The following CCDC178 variants were observed in gnomAD, a reference collection of about 807,000 sequenced individuals.
CCDC178 encodes the protein coiled-coil domain containing 178.
In CCDC178, 126 loss-of-function variants were observed where a neutral mutation model predicts 117.4. The observed-to-expected ratio is 1.07, with a 90% CI of 0.93 to 1.24. The LOEUF (loss-of-function observed/expected upper bound fraction) is 1.24. Among genes scored for constraint, CCDC178 ranks in the 50% most tolerant of loss-of-function variants. CCDC178 has a pLI of 0.00. For synonymous variants in CCDC178, 283 were observed against 313.4 expected (o/e 0.90, Z 1.02); for missense variants, 1,030 against 986.9 (o/e 1.04, Z -0.59).
chr18:33,059,223 T>C (rs2056881649), intron 21 of CCDC178, among the ~76,000 whole-genome samples: 1 of 152,162 alleles, frequency 6.6e-6, no homozygotes, highest in Non-Finnish European at 1.5e-5. Context: ...AGATTTGAAC[T>C]GGAGGCAGAA....
Position 33,039,147 on chromosome 18 carries a change from T to C in CCDC178, c.2388+53614A>G, listed in dbSNP as rs537370321. On this transcript the variant is annotated intron_variant, in intron 21 of 22. Transcript: ENST00000383096. ...AAATGAAACATCTAGAAATAAACCA[T>C]ATAATTCTTCAAATAAAAACATAAT... 5.3e-5 allele frequency among the ~76,000 whole-genome samples: 8 copies of C among 152,094 alleles called. No homozygotes were observed. The East Asian group carries it at 5.8e-4, about 11-fold the overall frequency.
chr18:33,156,393 C>T (rs1211592168), intron 20 of CCDC178, among the ~76,000 whole-genome samples: 2 of 150,840 alleles, frequency 1.3e-5, no homozygotes, highest in African/African-American at 4.9e-5. Flanking sequence ...CTGCTGAAAA[C>T]GTTTTCTTTT....
At chr18:33,271,095 A>C (rs2059883524) in intron 12 of CCDC178, among the ~76,000 whole-genome samples, 1 of 151,546 alleles carries the variant, frequency 6.6e-6, no homozygotes. Context: ...ATTGCAGGGA[A>C]AATAGTTCAA....
chr18:33,416,145 G>A (rs559456763), intron 2 of CCDC178, among the ~76,000 whole-genome samples: 86 of 152,098 alleles, frequency 5.7e-4, no homozygotes, highest in Non-Finnish European at 1.1e-3. Context: ...AAAACTGCCC[G>A]GGCCGGGAGC....
At chr18:33,215,863 G>C (rs1006943104) in intron 18 of CCDC178, among the ~76,000 whole-genome samples, 168 bp from the exon 19 acceptor site, 3 of 151,994 alleles carry the variant, frequency 2.0e-5, no homozygotes, top group African/African-American at 4.8e-5. Context: ...AAAGCAGGAG[G>C]AGCCAGGAGT....
intron 20 of CCDC178, among the ~76,000 whole-genome samples, chr18:33,096,354 A>AAAAATATAAAATTTTTATATTTTATAT (rs1200825869): frequency 1.1e-4 from 12 of 109,210 alleles, no homozygotes; most frequent in Admixed American, 1.8e-4. Context: ...TATTTTATAT[A>AAAAATATAAAATTTTTATATTTTATAT]AAAATATAAA....
chr18:33,076,309 A>T (rs1422207029), intron 21 of CCDC178, among the ~76,000 whole-genome samples: 1 of 152,160 alleles, frequency 6.6e-6, no homozygotes, highest in Non-Finnish European at 1.5e-5. Flanking sequence ...GAAAGATCCC[A>T]TCCACGTTAG....
chr18:33,136,991 T>A (rs2058136489), intron 20 of CCDC178, among the ~76,000 whole-genome samples: 1 of 152,176 alleles, frequency 6.6e-6, no homozygotes, highest in Non-Finnish European at 1.5e-5. Context: ...CCTGATCCCA[T>A]ATCAATGTAA....
intron 20 of CCDC178, among the ~76,000 whole-genome samples, chr18:33,174,850 A>C (rs1445993629): frequency 6.6e-6 from 1 of 151,364 alleles, no homozygotes. Flanking sequence ...TTCCTGTTTC[A>C]TATTAGTATT....
intron 22 of CCDC178, among the ~76,000 whole-genome samples, chr18:32,952,768 T>C (rs954951342): frequency 2.9e-4 from 43 of 148,456 alleles, no homozygotes; most frequent in African/African-American, 1.0e-3. Context: ...GCAAATTTTA[T>C]AAACTTTTTT....
rs181970734 is a variant in CCDC178 at position 33,425,036 on chromosome 18, A to T, written c.-22-12926T>A. Among the ~76,000 whole-genome samples the T allele has an allele frequency of 3.8e-3, 585 of 152,306 alleles. 2 individuals are homozygous for T. Among genetic ancestry groups the T allele is most frequent in the African/African-American group, 0.013 (557 of 41,564 alleles). ...GATGACTGATTGATAGGGGCAGCCAACCACCATGGCACATATATACGTATG... is the reference window on the plus strand; with the variant it reads ...GATGACTGATTGATAGGGGCAGCCATCCACCATGGCACATATATACGTATG... On this transcript the variant is annotated intron_variant, in intron 2 of 22. Coordinates refer to ENST00000383096, the MANE Select transcript of CCDC178 (RefSeq NM_001105528.4).
At chr18:33,167,895 T>G (rs1010425002) in intron 20 of CCDC178, among the ~76,000 whole-genome samples, 1 of 150,296 alleles carries the variant, frequency 6.7e-6, no homozygotes, top group African/African-American at 2.5e-5. Context: ...AATAAATAAA[T>G]AAATAATAAA....
chr18:33,008,251 C>T (rs2055790231), intron 21 of CCDC178, among the ~76,000 whole-genome samples: 1 of 152,102 alleles, frequency 6.6e-6, no homozygotes, highest in Non-Finnish European at 1.5e-5. Context: ...AACAACTTTT[C>T]CTCCACACTC....
intron 21 of CCDC178, among the ~76,000 whole-genome samples, chr18:33,015,758 T>C (rs1056249414): frequency 1.3e-5 from 2 of 152,124 alleles, no homozygotes; most frequent in Non-Finnish European, 2.9e-5. Flanking sequence ...GAAGGAATTA[T>C]ATGTATGGTG....
intron 12 of CCDC178, among the ~76,000 whole-genome samples, chr18:33,279,543 A>G (rs1425671082): frequency 6.6e-6 from 1 of 152,184 alleles, no homozygotes; most frequent in Non-Finnish European, 1.5e-5. Flanking sequence ...TAATTGATAG[A>G]TTCAATGCCA....
chr18:33,093,925 C>A (rs556528552), intron 20 of CCDC178, among the ~76,000 whole-genome samples: 1 of 151,744 alleles, frequency 6.6e-6, no homozygotes, highest in Admixed American at 6.6e-5. Flanking sequence ...CAGAAATAAC[C>A]ATTGTGAAGC....
chr18:33,154,324 C>T (rs1446285652), intron 20 of CCDC178, among the ~76,000 whole-genome samples: 1 of 151,752 alleles, frequency 6.6e-6, no homozygotes, highest in African/African-American at 2.4e-5. Flanking sequence ...TGTCTGGAGT[C>T]GGTATAATGT....
intron 6 of CCDC178, among the ~76,000 whole-genome samples, chr18:33,367,989 G>A (rs1376111166): frequency 6.6e-6 from 1 of 151,810 alleles, no homozygotes; most frequent in Non-Finnish European, 1.5e-5. Context: ...CATTGTTATT[G>A]TGTGTTTCTT....
intron 9 of CCDC178, 111 bp from the exon 10 acceptor site, chr18:33,333,505 A>C: frequency 2.8e-6 from 1 of 356,908 alleles, no homozygotes. Flanking sequence ...GAATCTTACT[A>C]CTTTTTTTTT....
Sources: gnomAD v4.1 joint callset for allele counts (sites outside exome capture counted in the v4.1 genomes callset) on GRCh38, gnomAD v4.1.1 for gene constraint, MANE v1.5 for transcripts, NCBI Gene and HGNC (gene_info 2026-07-23, HGNC 2026-07-21) for gene names.